Variants in RBFOX1 observed in about 807,000 individuals in gnomAD.
The protein encoded by RBFOX1 is RNA binding fox-1 homolog 1.
Under a neutral mutation model 57.7 loss-of-function variants are expected in RBFOX1, and 8 were observed. That is an observed-to-expected ratio of 0.14 (90% CI 0.08 to 0.25). The LOEUF is 0.25. Ranked by LOEUF, RBFOX1 falls within the 10% of genes least tolerant of loss-of-function variation. The pLI is 1.00. For synonymous variants in RBFOX1, 326 were observed against 222.4 expected (o/e 1.47, Z -4.15); for missense variants, 611 against 548.5 (o/e 1.11, Z -1.14).
chr16:6,812,089 A>G (rs948118244), intron 3 of RBFOX1, among the ~76,000 whole-genome samples: 3 of 152,166 alleles, frequency 2.0e-5, no homozygotes, highest in East Asian at 1.9e-4. Flanking sequence ...ATCAGACTCC[A>G]TATGATGAAG....
At chr16:6,176,404 C>T (rs2097009868) in intron 1 of RBFOX1, among the ~76,000 whole-genome samples, 2 of 151,464 alleles carry the variant, frequency 1.3e-5, no homozygotes, top group Non-Finnish European at 2.9e-5. Context: ...GGTCATCCGC[C>T]CGCCTCAGCC....
At chr16:5,890,349 A>T (rs1003977921) in intron 4 of RBFOX1, among the ~76,000 whole-genome samples, 1 of 152,106 alleles carries the variant, frequency 6.6e-6, no homozygotes, top group African/African-American at 2.4e-5. Context: ...CGATAATTTC[A>T]CAGCTGAGTA....
At chr16:6,764,660 G>C (rs1428473424) in intron 3 of RBFOX1, among the ~76,000 whole-genome samples, 1 of 152,132 alleles carries the variant, frequency 6.6e-6, no homozygotes, top group African/African-American at 2.4e-5. Flanking sequence ...GCATGGGCTG[G>C]GTGCAGTGGC....
intron 3 of RBFOX1, among the ~76,000 whole-genome samples, chr16:6,725,509 G>C (rs1460933794): frequency 6.6e-6 from 1 of 151,912 alleles, no homozygotes; most frequent in East Asian, 1.9e-4. Context: ...CTCAGTTTTG[G>C]GAATTGCCCA....
intron 4 of RBFOX1, among the ~76,000 whole-genome samples, chr16:5,920,837 A>C (rs1457473596): frequency 2.6e-5 from 4 of 152,196 alleles, no homozygotes; most frequent in African/African-American, 9.7e-5. Context: ...GAAAGGACAA[A>C]ATAAGTACAT....
chr16:5,643,082 C>T (rs964347239), intron 3 of RBFOX1, among the ~76,000 whole-genome samples: 1 of 152,130 alleles, frequency 6.6e-6, no homozygotes, highest in African/African-American at 2.4e-5. Flanking sequence ...GGGATATGGG[C>T]AGAGGCTCCG....
At chr16:5,599,099 T>G (rs2047281032) in exon 3 of RBFOX1, 1 of 858,602 alleles carries the variant, frequency 1.2e-6, no homozygotes, top group East Asian at 2.6e-5. Context: ...TAACTGGGTT[T>G]GAGGGGAATA....
intron 3 of RBFOX1, among the ~76,000 whole-genome samples, chr16:5,834,688 T>TAGATAGAC (rs2056396175): frequency 2.9e-4 from 2 of 6,864 alleles, no homozygotes; most frequent in Non-Finnish European, 6.5e-4. Context: ...ATGGGATAGG[T>TAGATAGAC]AGATAGATAG....
intron 4 of RBFOX1, among the ~76,000 whole-genome samples, chr16:7,224,406 C>T (rs2092957978): frequency 6.6e-6 from 1 of 152,162 alleles, no homozygotes; most frequent in African/African-American, 2.4e-5. Flanking sequence ...TGGAACTTGC[C>T]ATCACCCTTG....
chr16:7,435,261 C>T (rs1345274528), intron 4 of RBFOX1, among the ~76,000 whole-genome samples: 3 of 151,892 alleles, frequency 2.0e-5, no homozygotes, highest in Non-Finnish European at 2.9e-5. Context: ...GAGTACTAAG[C>T]AGGTGTTTTG....
chr16:6,342,433 A>G (rs1192708476), intron 2 of RBFOX1, among the ~76,000 whole-genome samples: 1 of 152,212 alleles, frequency 6.6e-6, no homozygotes, highest in Non-Finnish European at 1.5e-5. Context: ...CAAAACGTCA[A>G]GGTGCTTAGC....
At chr16:6,802,748 C>A (rs1394058326) in intron 3 of RBFOX1, among the ~76,000 whole-genome samples, 1 of 152,126 alleles carries the variant, frequency 6.6e-6, no homozygotes, top group East Asian at 1.9e-4. Flanking sequence ...AAAGCCATTC[C>A]CCCACGTTGT....
At chr16:6,818,541 A>C (rs2090611656) in intron 3 of RBFOX1, among the ~76,000 whole-genome samples, 1 of 152,190 alleles carries the variant, frequency 6.6e-6, no homozygotes, top group Non-Finnish European at 1.5e-5. Flanking sequence ...CTGTTGTAAG[A>C]TTTAAACTCT....
chr16:6,724,661 A>G (rs148805654), intron 3 of RBFOX1, among the ~76,000 whole-genome samples: 1 of 152,204 alleles, frequency 6.6e-6, no homozygotes, highest in Admixed American at 6.5e-5. Flanking sequence ...AGCAGCCCGA[A>G]TAGACTAAGA....
intron 4 of RBFOX1, among the ~76,000 whole-genome samples, chr16:7,290,159 G>C (rs549668393): frequency 6.6e-6 from 1 of 152,148 alleles, no homozygotes; most frequent in South Asian, 2.1e-4. Flanking sequence ...GATAAAAGGA[G>C]CAGGATAAAA....
intron 3 of RBFOX1, among the ~76,000 whole-genome samples, chr16:6,678,693 C>T (rs1478634644): frequency 6.6e-6 from 1 of 151,572 alleles, no homozygotes; most frequent in East Asian, 1.9e-4. Context: ...TGTAGGGAAT[C>T]CTTTAAGCTC....
At chr16:6,539,527 G>C (rs934576193) in intron 2 of RBFOX1, among the ~76,000 whole-genome samples, 2 of 152,072 alleles carry the variant, frequency 1.3e-5, no homozygotes, top group Non-Finnish European at 2.9e-5. Context: ...GTCAGGTGCA[G>C]TGGCTCACAC....
chr16:7,342,858 G>A (rs1244988840), intron 4 of RBFOX1, among the ~76,000 whole-genome samples: 1 of 152,152 alleles, frequency 6.6e-6, no homozygotes, highest in Non-Finnish European at 1.5e-5. Context: ...CCCAGCCTCT[G>A]TCCTCAGAGG....
At chr16:6,386,021 C>T (rs533788439) in intron 2 of RBFOX1, among the ~76,000 whole-genome samples, 4 of 151,580 alleles carry the variant, frequency 2.6e-5, no homozygotes, top group East Asian at 3.9e-4. Context: ...CTGCAAGCTC[C>T]GCCTCCCGGG....
Sources: gnomAD v4.1 joint callset for allele counts (sites outside exome capture counted in the v4.1 genomes callset) on GRCh38, gnomAD v4.1.1 for gene constraint, MANE v1.5 for transcripts, NCBI Gene and HGNC (gene_info 2026-07-23, HGNC 2026-07-21) for gene names.